The following DAB1 variants were observed in gnomAD, a reference collection of about 807,000 sequenced individuals.
The protein encoded by DAB1 is DAB adaptor protein 1.
Under a neutral mutation model 64.6 loss-of-function variants are expected in DAB1, and 15 were observed. The ratio of observed to expected loss-of-function variants is 0.23; its 90% CI spans 0.16 to 0.36. The LOEUF (loss-of-function observed/expected upper bound fraction) is 0.36. Ranked by LOEUF, DAB1 falls within the 10% of genes least tolerant of loss-of-function variation. The pLI is 1.00. For synonymous variants in DAB1, 235 were observed against 251.9 expected (o/e 0.93, Z 0.64); for missense variants, 596 against 706.7 (o/e 0.84, Z 1.78).
intron 1 of DAB1, among the ~76,000 whole-genome samples, chr1:57,347,222 T>A (rs536623109): frequency 6.6e-6 from 1 of 152,168 alleles, no homozygotes; most frequent in Non-Finnish European, 1.5e-5. Context: ...CTGCCCCAAA[T>A]GGGGCAAAAC....
chr1:57,263,271 G>A (rs1489055926), intron 2 of DAB1, among the ~76,000 whole-genome samples: 4 of 151,942 alleles, frequency 2.6e-5, no homozygotes, highest in East Asian at 1.9e-4. Flanking sequence ...GCCTGCCACC[G>A]TGCCAGGCTA....
chr1:58,320,707 A>G (rs142947910), intron 4 of DAB1, among the ~76,000 whole-genome samples: 231 of 152,334 alleles, frequency 1.5e-3, no homozygotes, highest in African/African-American at 5.2e-3. Context: ...GAACATAAGT[A>G]TACCAGATTG....
intron 5 of DAB1, among the ~76,000 whole-genome samples, chr1:58,091,511 G>A (rs564489136): frequency 3.2e-4 from 48 of 152,186 alleles, no homozygotes; most frequent in Admixed American, 2.6e-4. Context: ...CAGTATTAGC[G>A]TCATTTTGTT....
chr1:58,013,022 T>G (rs1489631312), intron 5 of DAB1, among the ~76,000 whole-genome samples: 2 of 152,156 alleles, frequency 1.3e-5, no homozygotes, highest in African/African-American at 4.8e-5. Flanking sequence ...CTCTTCCTTA[T>G]TACACAAAAT....
intron 5 of DAB1, among the ~76,000 whole-genome samples, chr1:58,018,415 T>C (rs1646772421): frequency 6.6e-6 from 1 of 152,140 alleles, no homozygotes; most frequent in African/African-American, 2.4e-5. Context: ...CCTACCTCCC[T>C]AGGCCCTCCC....
At chr1:58,473,502 A>C (rs1229956146) in intron 3 of DAB1, among the ~76,000 whole-genome samples, 1 of 151,938 alleles carries the variant, frequency 6.6e-6, no homozygotes, top group Admixed American at 6.6e-5. Flanking sequence ...AGATTGTGCC[A>C]CTGCACTCCA....
At chr1:58,543,056 G>C (rs1032930543) in intron 1 of DAB1, among the ~76,000 whole-genome samples, 3 of 151,884 alleles carry the variant, frequency 2.0e-5, no homozygotes, top group Non-Finnish European at 4.4e-5. Context: ...AGATAAGTGA[G>C]AGACCACAAA....
chr1:57,986,874 C>T (rs1270661906), intron 5 of DAB1, among the ~76,000 whole-genome samples: 1 of 152,064 alleles, frequency 6.6e-6, no homozygotes, highest in African/African-American at 2.4e-5. Context: ...GACCCTGGGC[C>T]CTACATTCGT....
chr1:57,139,710 T>C (rs1658420103), intron 3 of DAB1, among the ~76,000 whole-genome samples: 1 of 152,108 alleles, frequency 6.6e-6, no homozygotes, highest in South Asian at 2.1e-4. Flanking sequence ...GAATATCAAA[T>C]AGCAATTAAT....
At chr1:57,727,960 T>C (rs1647253941) in intron 6 of DAB1, among the ~76,000 whole-genome samples, 1 of 152,038 alleles carries the variant, frequency 6.6e-6, no homozygotes, top group South Asian at 2.1e-4. Context: ...GTCAGACAGA[T>C]GTAGGAGGAA....
Position 57,136,659 on chromosome 1 carries a change from A to G in DAB1, c.208-18T>C, listed in dbSNP as rs955695263. On this transcript the variant is annotated intron_variant, in intron 3 of 14. Transcript: ENST00000371236. ...ACAACGCCCTGTTGAAAGGAAGAACATGGTTTTTACTTAAGTGTTTTCATT... is the reference window on the plus strand; with the variant it reads ...ACAACGCCCTGTTGAAAGGAAGAACGTGGTTTTTACTTAAGTGTTTTCATT... The G allele has an allele frequency of 6.7e-7, 1 of 1,497,500 alleles. No homozygotes were observed. Among genetic ancestry groups the G allele is most frequent in the Non-Finnish European group, 9.1e-7 (1 of 1,103,702 alleles). The allele number at this position is 1,497,500 out of a possible 1,614,324, so 92.8% of individuals were successfully genotyped here.
At chr1:57,935,765 A>G (rs983970876) in intron 5 of DAB1, among the ~76,000 whole-genome samples, 1 of 152,138 alleles carries the variant, frequency 6.6e-6, no homozygotes, top group Admixed American at 6.6e-5. Context: ...GAGTGCATAA[A>G]AAGCTGCCCT....
chr1:58,123,284 G>C (rs1265013208), intron 5 of DAB1, among the ~76,000 whole-genome samples: 1 of 152,110 alleles, frequency 6.6e-6, no homozygotes, highest in Non-Finnish European at 1.5e-5. Flanking sequence ...AAAACATTGA[G>C]AGAGATAGGG....
chr1:57,034,464 A>AGCAGCTGGTAGAGGGTCTCCCCCT (rs1647071414), intron 9 of DAB1, among the ~76,000 whole-genome samples: 2 of 152,146 alleles, frequency 1.3e-5, no homozygotes, highest in Non-Finnish European at 1.5e-5. Flanking sequence ...AACTTTCTCA[A>AGCAGCTGGTAGAGGGTCTCCCCCT]GCAGCTGGTA....
intron 2 of DAB1, among the ~76,000 whole-genome samples, chr1:57,208,551 A>G (rs1665769203): frequency 6.6e-6 from 1 of 152,202 alleles, no homozygotes; most frequent in Non-Finnish European, 1.5e-5. Context: ...TATATGTAGC[A>G]TTCCACTAAA....
intron 6 of DAB1, among the ~76,000 whole-genome samples, chr1:57,783,747 A>G (rs1471688539): frequency 1.3e-5 from 2 of 152,090 alleles, no homozygotes; most frequent in Admixed American, 1.3e-4. Context: ...CATTATTGTT[A>G]TATCTGTTAT....
At chr1:58,064,755 T>G (rs1314271149) in intron 5 of DAB1, among the ~76,000 whole-genome samples, 1 of 152,206 alleles carries the variant, frequency 6.6e-6, no homozygotes, top group Non-Finnish European at 1.5e-5. Flanking sequence ...GGAATCTCGC[T>G]CTGTCACCCA....
At chr1:57,913,955 G>A (rs1208313223) in intron 5 of DAB1, among the ~76,000 whole-genome samples, 1 of 152,200 alleles carries the variant, frequency 6.6e-6, no homozygotes, top group South Asian at 2.1e-4. Flanking sequence ...ACAGGTGCTG[G>A]AGAGGATGTG....
At chr1:57,479,254 C>T (rs1029050705) in intron 7 of DAB1, among the ~76,000 whole-genome samples, 5 of 151,866 alleles carry the variant, frequency 3.3e-5, no homozygotes. Context: ...TTTTTAAGCA[C>T]TCATTCTACT....
Sources: gnomAD v4.1 joint callset for allele counts (sites outside exome capture counted in the v4.1 genomes callset) on GRCh38, gnomAD v4.1.1 for gene constraint, MANE v1.5 for transcripts, NCBI Gene and HGNC (gene_info 2026-07-23, HGNC 2026-07-21) for gene names.